The following RAP1A variants were observed in gnomAD, a reference collection of about 807,000 sequenced individuals.
RAP1A encodes RAP1A, member of RAS oncogene family, also known as ras-related protein Rap-1A.
A neutral mutation model predicts 26.4 loss-of-function variants in RAP1A; 6 were observed. That is an observed-to-expected ratio of 0.23 (90% CI 0.12 to 0.45). The LOEUF is 0.45. RAP1A is among the 20% of genes least tolerant of loss of function. The probability of loss-of-function intolerance (pLI) is 0.99; values close to 1 mark genes in which losing one functional copy is unlikely to be tolerated. For missense variants in RAP1A, 121 were observed against 217.2 expected, an observed-to-expected ratio of 0.56 and a Z score of 2.78; for synonymous variants, 73 against 79.4, an observed-to-expected ratio of 0.92 and a Z score of 0.43.
chr1:111,709,032 T>C, intron 6 of RAP1A, 117 bp from the exon 7 acceptor site: 1 of 1,326,792 alleles, frequency 7.5e-7, no homozygotes, highest in African/African-American at 1.5e-5. Context: ...AACCTGACTT[T>C]AAAAGAAAGA....
intron 1 of RAP1A, among the ~76,000 whole-genome samples, chr1:111,566,850 T>C (rs1234549500): frequency 6.6e-6 from 1 of 150,732 alleles, no homozygotes; most frequent in African/African-American, 2.4e-5. Context: ...CTAAAATTTA[T>C]ATAGTTGGTG....
chr1:111,666,427 A>G (rs1377525807), intron 1 of RAP1A, among the ~76,000 whole-genome samples: 1 of 152,198 alleles, frequency 6.6e-6, no homozygotes, highest in East Asian at 1.9e-4. Context: ...TACTGAAACA[A>G]TCTGTCTTAG....
At chr1:111,599,499 C>G (rs540779956) in intron 1 of RAP1A, among the ~76,000 whole-genome samples, 2 of 152,332 alleles carry the variant, frequency 1.3e-5, no homozygotes, top group Admixed American at 6.5e-5. Flanking sequence ...GCCACCACGC[C>G]TGGCCACATG....
upstream of RAP1A, chr1:111,542,093 T>A: frequency 4.7e-6 from 1 of 212,894 alleles, no homozygotes; most frequent in South Asian, 5.7e-5. Flanking sequence ...AGCTTTTTTT[T>A]TTTTTTTGAA....
chr1:111,678,100 C>A (rs530121764), intron 1 of RAP1A, among the ~76,000 whole-genome samples: 2 of 152,162 alleles, frequency 1.3e-5, no homozygotes, highest in East Asian at 3.9e-4. Flanking sequence ...TTTTTTAAAA[C>A]CATATTAGCT....
At chr1:111,552,595 G>C (rs1239364036) in intron 1 of RAP1A, among the ~76,000 whole-genome samples, 2 of 152,086 alleles carry the variant, frequency 1.3e-5, no homozygotes, top group Non-Finnish European at 2.9e-5. Flanking sequence ...ACCAAAGACA[G>C]CCAGTTATTC....
In RAP1A at chr1:111,714,135, A is replaced by T. The variant is rs1004601100; in HGVS notation, c.*1734A>T. ...AAGTATTGTTTTTAAAAAAATGGAA[A>T]TTTTTTTTGTTTGTGTTTTTGTTTT... On this transcript the variant is annotated 3_prime_UTR_variant, in exon 8 of 8. Transcript: ENST00000369709. 6.6e-6 allele frequency: 1 copy of T among 151,990 alleles called. No individual in the cohort carries two copies. The highest frequency in any genetic ancestry group is 1.5e-5 in the Non-Finnish European group (1 of 67,996). The allele number at this position is 151,990 out of a possible 1,614,324, so 9.4% of individuals were successfully genotyped here. A position where few individuals can be genotyped will look rare whatever the true frequency, so the allele number is the denominator to read the frequency against.
chr1:111,619,666 G>A (rs1402343264), upstream of RAP1A: 17 of 391,348 alleles, frequency 4.3e-5, 1 homozygote, highest in African/African-American at 1.4e-4. Context: ...TCCTTTAAGC[G>A]GACTCCGGAA....
At chr1:111,651,780 GT>G (rs1660279835) in intron 1 of RAP1A, among the ~76,000 whole-genome samples, 1 of 151,888 alleles carries the variant, frequency 6.6e-6, no homozygotes, top group African/African-American at 2.4e-5. Flanking sequence ...CCCAGCTAAT[GT>G]TTTTGTGTTT....
chr1:111,564,829 T>C (rs557922046), intron 1 of RAP1A, among the ~76,000 whole-genome samples: 3 of 145,790 alleles, frequency 2.1e-5, no homozygotes, highest in Admixed American at 1.4e-4. Context: ...CCCCAACTCT[T>C]AAAAAAAAAA....
intron 1 of RAP1A, among the ~76,000 whole-genome samples, chr1:111,670,554 A>G (rs966909327): frequency 1.6e-4 from 25 of 152,176 alleles, no homozygotes; most frequent in African/African-American, 6.0e-4. Context: ...ACATTAGAAT[A>G]AACTAAAGAA....
chr1:111,587,298 C>T (rs892815756), intron 1 of RAP1A, among the ~76,000 whole-genome samples: 2 of 152,146 alleles, frequency 1.3e-5, no homozygotes, highest in African/African-American at 2.4e-5. Context: ...CCCTCAACAC[C>T]TTCATCACCT....
intron 2 of RAP1A, among the ~76,000 whole-genome samples, chr1:111,692,750 G>A (rs761687530): frequency 3.3e-5 from 5 of 152,126 alleles, no homozygotes; most frequent in Non-Finnish European, 7.4e-5. Context: ...ACTAAACAGT[G>A]TAGACTATAA....
intron 6 of RAP1A, among the ~76,000 whole-genome samples, chr1:111,706,109 A>G (rs1358346168): frequency 6.6e-6 from 1 of 152,240 alleles, no homozygotes; most frequent in Non-Finnish European, 1.5e-5. Context: ...ACGAGGGTTT[A>G]TAAAAACAAA....
At chr1:111,548,269 C>T (rs1179634064) in intron 1 of RAP1A, among the ~76,000 whole-genome samples, 2 of 152,240 alleles carry the variant, frequency 1.3e-5, no homozygotes. Flanking sequence ...GACCCACCCA[C>T]CTCGGCCTCC....
intron 1 of RAP1A, among the ~76,000 whole-genome samples, chr1:111,605,949 G>A (rs545217942): frequency 1.3e-5 from 2 of 152,322 alleles, no homozygotes; most frequent in African/African-American, 4.8e-5. Context: ...CAGCAGGAGG[G>A]CACCTCTGAT....
At chr1:111,644,083 C>T (rs1032444264) in intron 1 of RAP1A, among the ~76,000 whole-genome samples, 1 of 152,144 alleles carries the variant, frequency 6.6e-6, no homozygotes, top group African/African-American at 2.4e-5. Context: ...GGATGTTAAC[C>T]ACATTTAGAT....
At chr1:111,587,833 T>A (rs1204556456) in intron 1 of RAP1A, among the ~76,000 whole-genome samples, 1 of 152,230 alleles carries the variant, frequency 6.6e-6, no homozygotes, top group Non-Finnish European at 1.5e-5. Flanking sequence ...CAGTATTTAA[T>A]GCTGTGAAAT....
At position 111,679,412 on chromosome 1, in the gene RAP1A, T is replaced by C. The variant is rs115388768; in HGVS notation, c.-27-11922T>C. Among the ~76,000 whole-genome samples, 1,421 of 152,230 alleles carry C rather than the reference T, an allele frequency of 9.3e-3. 21 individuals are homozygous for C. The highest frequency in any genetic ancestry group is 0.033 in the African/African-American group (1,354 of 41,544). ...GCAACCCGCAGACCAGGAGATTCCA[T>C]TGGGTCCCTACACCACCAGGGTCTG... On this transcript the variant is annotated intron_variant, in intron 1 of 7. Transcript: ENST00000369709.
Sources: allele counts gnomAD v4.1 joint callset (sites outside exome capture counted in the v4.1 genomes callset), GRCh38; gene constraint gnomAD v4.1.1; transcripts MANE v1.5; gene names NCBI Gene and HGNC (gene_info 2026-07-23, HGNC 2026-07-21).